Variants in TMEM132D observed in about 807,000 individuals in gnomAD.
The protein encoded by TMEM132D is transmembrane protein 132D, also known as mature OL transmembrane protein.
TMEM132D carries 21 observed loss-of-function variants against 62.3 expected under a neutral mutation model. That is an observed-to-expected ratio of 0.34 (90% CI 0.24 to 0.49). The LOEUF (loss-of-function observed/expected upper bound fraction) is 0.49. Ranked by LOEUF, TMEM132D falls within the 20% of genes least tolerant of loss-of-function variation. TMEM132D has a pLI of 0.99. For missense variants in TMEM132D, 1,346 were observed against 1,402.8 expected (o/e 0.96, Z 0.65); for synonymous variants, 621 against 575.6 (o/e 1.08, Z -1.13).
chr12:129,859,452 A>G (rs1437083144), intron 1 of TMEM132D, among the ~76,000 whole-genome samples: 2 of 152,164 alleles, frequency 1.3e-5, no homozygotes, highest in African/African-American at 4.8e-5. Context: ...ACAACATGTG[A>G]TGGTTAATAT....
chr12:129,072,668 C>G lies in TMEM132D; in HGVS notation c.*1207G>C, dbSNP rs1424456974. ...TCCTGCTGGATCCACCACTTTCACACCCAGAACCCCCCCAACTCCACACGC... is the reference window on the plus strand; with the variant it reads ...TCCTGCTGGATCCACCACTTTCACAGCCAGAACCCCCCCAACTCCACACGC... On this transcript the variant is annotated 3_prime_UTR_variant, in exon 9 of 9. Coordinates refer to ENST00000422113, the MANE Select transcript of TMEM132D (RefSeq NM_133448.3). 1 of 152,450 alleles carries G rather than the reference C, an allele frequency of 6.6e-6. No homozygotes were observed. The highest frequency in any genetic ancestry group is 1.5e-5 in the Non-Finnish European group (1 of 68,250). 9.4% of individuals were successfully genotyped at this position (152,450 alleles called of 1,614,324 possible).
At chr12:129,868,310 C>A (rs981634759) in intron 1 of TMEM132D, among the ~76,000 whole-genome samples, 1 of 152,210 alleles carries the variant, frequency 6.6e-6, no homozygotes, top group African/African-American at 2.4e-5. Context: ...ATGGTACATA[C>A]ATCTGTCCAA....
chr12:129,227,519 T>C (rs916442016), intron 4 of TMEM132D, among the ~76,000 whole-genome samples: 61 of 149,554 alleles, frequency 4.1e-4, no homozygotes, highest in African/African-American at 1.3e-3. Context: ...TTCTTAAGAT[T>C]GATGTTTTTA....
chr12:129,365,463 G>C (rs1870375436), intron 3 of TMEM132D, among the ~76,000 whole-genome samples: 1 of 152,178 alleles, frequency 6.6e-6, no homozygotes, highest in Non-Finnish European at 1.5e-5. Context: ...GAACAAATTG[G>C]AGAATAATAA....
intron 2 of TMEM132D, among the ~76,000 whole-genome samples, chr12:129,673,627 C>T (rs556514448): frequency 5.9e-5 from 9 of 152,282 alleles, no homozygotes; most frequent in African/African-American, 2.2e-4. Context: ...GTTGGAATTA[C>T]ACTTACATTC....
chr12:129,439,894 C>T (rs547479036), intron 3 of TMEM132D, among the ~76,000 whole-genome samples: 4 of 152,192 alleles, frequency 2.6e-5, no homozygotes, highest in South Asian at 2.1e-4. Flanking sequence ...GACAGGTGAG[C>T]GAAAGTGACG....
At chr12:129,473,142 C>T (rs112098188) in intron 3 of TMEM132D, among the ~76,000 whole-genome samples, 40 of 151,814 alleles carry the variant, frequency 2.6e-4, no homozygotes, top group African/African-American at 9.2e-4. Flanking sequence ...AGATTACAGG[C>T]GTGAGCCACT....
intron 4 of TMEM132D, among the ~76,000 whole-genome samples, chr12:129,244,215 C>G (rs544581593): frequency 1.2e-4 from 15 of 121,728 alleles, no homozygotes; most frequent in Non-Finnish European, 2.1e-4. Flanking sequence ...GAAACCCCGT[C>G]TCTACTAAAA....
intron 4 of TMEM132D, among the ~76,000 whole-genome samples, chr12:129,229,606 G>A (rs1164052019): frequency 3.9e-5 from 6 of 152,166 alleles, no homozygotes; most frequent in Admixed American, 6.5e-5. Flanking sequence ...AAGCCTATCA[G>A]TTTTATGGGA....
intron 2 of TMEM132D, among the ~76,000 whole-genome samples, chr12:129,672,152 C>T (rs1880514601): frequency 6.6e-6 from 1 of 152,194 alleles, no homozygotes; most frequent in Non-Finnish European, 1.5e-5. Context: ...GGTTGGTAAG[C>T]ACCAAGCCAG....
intron 2 of TMEM132D, among the ~76,000 whole-genome samples, chr12:129,628,631 G>A (rs1007351838): frequency 1.3e-5 from 2 of 152,110 alleles, no homozygotes; most frequent in Non-Finnish European, 2.9e-5. Flanking sequence ...TTGCCTCATC[G>A]GGGAATCATT....
chr12:129,664,963 C>T (rs1880339439), intron 2 of TMEM132D, among the ~76,000 whole-genome samples: 1 of 152,128 alleles, frequency 6.6e-6, no homozygotes, highest in African/African-American at 2.4e-5. Flanking sequence ...GCTATTATCC[C>T]TATTATGTGG....
At chr12:129,523,629 C>T (rs11060394) in intron 3 of TMEM132D, among the ~76,000 whole-genome samples, 36,016 of 151,980 alleles carry the variant, frequency 0.24, 5,074 homozygotes, top group East Asian at 0.38. Context: ...ATTTGGTGCT[C>T]TACTTGGAAA....
At chr12:129,683,307 C>A (rs561928279) in intron 2 of TMEM132D, among the ~76,000 whole-genome samples, 2 of 152,228 alleles carry the variant, frequency 1.3e-5, no homozygotes, top group East Asian at 3.9e-4. Flanking sequence ...GTTGTTTAAC[C>A]TTTTTTGTAT....
chr12:129,829,847 T>C (rs1872775978), intron 1 of TMEM132D, among the ~76,000 whole-genome samples: 1 of 152,128 alleles, frequency 6.6e-6, no homozygotes, highest in Non-Finnish European at 1.5e-5. Context: ...AACCCAGAGC[T>C]TTTACCATCA....
At chr12:129,591,549 T>TC (rs1878190708) in intron 2 of TMEM132D, among the ~76,000 whole-genome samples, 1 of 151,558 alleles carries the variant, frequency 6.6e-6, no homozygotes, top group African/African-American at 2.4e-5. Flanking sequence ...GGTTTTTTTT[T>TC]TCTCGGTTTT....
At chr12:129,310,126 C>T (rs943202419) in intron 4 of TMEM132D, among the ~76,000 whole-genome samples, 24 of 152,150 alleles carry the variant, frequency 1.6e-4, no homozygotes, top group African/African-American at 5.8e-4. Flanking sequence ...AGGAGTAAGA[C>T]TCAAGTTCTG....
chr12:129,137,179 C>T lies in TMEM132D; in HGVS notation c.1444-52477G>A, dbSNP rs368266250. Among the ~76,000 whole-genome samples the T allele has an allele frequency of 1.7e-3, 265 of 152,036 alleles. 3 individuals are homozygous for T. The highest frequency in any genetic ancestry group is 6.2e-3 in the African/African-American group (257 of 41,492). Reference sequence around the variant, plus strand: ...CTATCACAATCACCATCATCATCACCACCATCATCACAATCACCATCATCA... The same window carrying T: ...CTATCACAATCACCATCATCATCACTACCATCATCACAATCACCATCATCA... On this transcript the variant is annotated intron_variant, in intron 5 of 8. Transcript: ENST00000422113.
intron 3 of TMEM132D, among the ~76,000 whole-genome samples, chr12:129,474,537 G>C (rs1017749403): frequency 2.0e-5 from 3 of 152,154 alleles, no homozygotes; most frequent in Non-Finnish European, 4.4e-5. Flanking sequence ...GTGTTCTTCT[G>C]CTGGGACTAA....
Sources: gnomAD v4.1 joint callset for allele counts (sites outside exome capture counted in the v4.1 genomes callset) on GRCh38, gnomAD v4.1.1 for gene constraint, MANE v1.5 for transcripts, NCBI Gene and HGNC (gene_info 2026-07-23, HGNC 2026-07-21) for gene names.